Variants in STAU2 observed in about 807,000 individuals in gnomAD.
STAU2 encodes double-stranded RNA-binding protein Staufen homolog 2.
Under a neutral mutation model 65.9 loss-of-function variants are expected in STAU2, and 20 were observed. That is an observed-to-expected ratio of 0.30 (90% CI 0.21 to 0.44). The LOEUF (loss-of-function observed/expected upper bound fraction) is 0.44. Ranked by LOEUF, STAU2 falls within the 20% of genes least tolerant of loss-of-function variation. STAU2 has a pLI of 1.00. For synonymous variants in STAU2, 232 were observed against 233.9 expected (o/e 0.99, Z 0.07); for missense variants, 558 against 683.9 (o/e 0.82, Z 2.05).
At position 73,421,142 on chromosome 8, in the gene STAU2, G is replaced by A. The variant is rs1816347643; in HGVS notation, c.*230C>T. 1.9e-5 allele frequency: 8 copies of A among 429,460 alleles called. No homozygotes were observed. Among genetic ancestry groups the A allele is most frequent in the Non-Finnish European group, 3.3e-5 (8 of 244,014 alleles). The allele number at this position is 429,460 out of a possible 1,614,324, so 26.6% of individuals were successfully genotyped here. A position where few individuals can be genotyped will look rare whatever the true frequency, so the allele number is the denominator to read the frequency against. On this transcript the variant is annotated 3_prime_UTR_variant, in exon 15 of 15. Transcript: ENST00000524300. ...CAGGATCAGATTTCTGCTGCCTCTA[G>A]GCAAATGAGTTATGATCTGATCTCG...
Position 73,543,325 on chromosome 8 carries a change from T to C in STAU2, c.1530+8687A>G, listed in dbSNP as rs527498119. 7.9e-5 allele frequency among the ~76,000 whole-genome samples: 12 copies of C among 152,320 alleles called. No homozygotes were observed. In the East Asian group the frequency reaches 9.6e-4, roughly 12 times the overall value. Reference sequence around the variant, plus strand: ...GCAATAAAGAGTCCCATCTTGATTATGGTGGTAGTATACATTTTGGTGACT... The same window carrying C: ...GCAATAAAGAGTCCCATCTTGATTACGGTGGTAGTATACATTTTGGTGACT... On this transcript the variant is annotated intron_variant, in intron 13 of 14. Transcript: ENST00000524300.
At chr8:73,665,270 T>C (rs1295164868) in intron 6 of STAU2, among the ~76,000 whole-genome samples, 6 of 152,214 alleles carry the variant, frequency 3.9e-5, no homozygotes, top group African/African-American at 1.4e-4. Context: ...CTACATCTAT[T>C]CTATAAAGTG....
chr8:73,615,732 A>G lies in STAU2; in HGVS notation c.621T>C (p.Ser207=), dbSNP rs1014000996. ...DVDDDKDANK[S]EISLVFEIAL... ...CAATTTCAAACACTAAGCTGATCTCAGACTTATTTGCATCTTTGTCATCAT... is the reference window on the plus strand; with the variant it reads ...CAATTTCAAACACTAAGCTGATCTCGGACTTATTTGCATCTTTGTCATCAT... Residue 207 remains serine, a synonymous_variant, in exon 8 of 15, where the codon TCT becomes TCC. Transcript: ENST00000524300. The G allele has an allele frequency of 3.1e-6, 5 of 1,612,994 alleles. No homozygotes were observed. Among genetic ancestry groups the G allele is most frequent in the Non-Finnish European group, 4.2e-6 (5 of 1,179,324 alleles).
chr8:73,702,895 T>C lies in STAU2; in HGVS notation c.114+6137A>G, dbSNP rs531429958. Among the ~76,000 whole-genome samples, 305 of 152,248 alleles carry C rather than the reference T, an allele frequency of 2.0e-3. 1 individual carries two copies. The highest frequency in any genetic ancestry group is 6.9e-3 in the African/African-American group (287 of 41,552). ...AATTAGAAAGGCTGACTATATAACC[T>C]GTAGGCAAGGGGGCAGAAAAACTAG... On this transcript the variant is annotated intron_variant, in intron 4 of 14. Coordinates refer to ENST00000524300, the MANE Select transcript of STAU2 (RefSeq NM_001164380.2).
At chr8:73,479,266 C>T (rs1285061893) in intron 13 of STAU2, among the ~76,000 whole-genome samples, 1 of 152,056 alleles carries the variant, frequency 6.6e-6, no homozygotes, top group East Asian at 1.9e-4. Flanking sequence ...TCAAATTTCC[C>T]CTACTGTTTC....
At chr8:73,732,536 C>G (rs1806139616) in intron 3 of STAU2, 1 of 152,160 alleles carries the variant, frequency 6.6e-6, no homozygotes, top group Admixed American at 6.5e-5. Flanking sequence ...GTCTTTCTTA[C>G]ACATTTTTAA....
intron 12 of STAU2, among the ~76,000 whole-genome samples, chr8:73,557,354 A>G (rs1237288004): frequency 1.3e-5 from 2 of 152,234 alleles, no homozygotes; most frequent in East Asian, 3.8e-4. Context: ...GAACTGAATG[A>G]CTTTTAACTT....
intron 6 of STAU2, among the ~76,000 whole-genome samples, chr8:73,627,236 A>G (rs1177464400): frequency 0.071 from 698 of 9,872 alleles, no homozygotes; most frequent in Middle Eastern, 0.12. Context: ...GGGGGGCAGG[A>G]GGGCGGGTTC....
At chr8:73,633,909 C>T (rs1288364699) in intron 6 of STAU2, among the ~76,000 whole-genome samples, 1 of 151,870 alleles carries the variant, frequency 6.6e-6, no homozygotes, top group Non-Finnish European at 1.5e-5. Context: ...TCCCAAGAGA[C>T]AGAAGTTGCA....
At chr8:73,478,363 T>C (rs996082837) in intron 13 of STAU2, among the ~76,000 whole-genome samples, 1 of 149,916 alleles carries the variant, frequency 6.7e-6, no homozygotes, top group Non-Finnish European at 1.5e-5. Context: ...TTTAAGAAAG[T>C]TGATGAGTTT....
chr8:73,437,357 T>C (rs1237952448), intron 13 of STAU2, among the ~76,000 whole-genome samples: 1 of 152,020 alleles, frequency 6.6e-6, no homozygotes, highest in Non-Finnish European at 1.5e-5. Flanking sequence ...GATAGAGACA[T>C]GATGATCGGA....
chr8:73,478,498 C>T (rs200625286), intron 13 of STAU2, among the ~76,000 whole-genome samples: 1 of 151,494 alleles, frequency 6.6e-6, no homozygotes, highest in Non-Finnish European at 1.5e-5. Context: ...TTTTTTTCCC[C>T]TCCACTTTTT....
intron 12 of STAU2, among the ~76,000 whole-genome samples, chr8:73,552,635 G>A (rs1012866076): frequency 1.3e-5 from 2 of 152,124 alleles, no homozygotes; most frequent in African/African-American, 4.8e-5. Flanking sequence ...AGAAAATCAG[G>A]AATGTGCAGT....
intron 12 of STAU2, among the ~76,000 whole-genome samples, chr8:73,571,867 A>C (rs562361930): frequency 6.6e-6 from 1 of 152,358 alleles, no homozygotes; most frequent in African/African-American, 2.4e-5. Context: ...CACATTCAAA[A>C]GCTAGCAGAA....
chr8:73,477,269 G>A (rs79087970), intron 13 of STAU2, among the ~76,000 whole-genome samples: 2,413 of 152,212 alleles, frequency 0.016, 23 homozygotes, highest in Middle Eastern at 0.024. Flanking sequence ...TGGACAGCAA[G>A]AATTCTAAAA....
chr8:73,466,887 C>G (rs1433414159), intron 13 of STAU2, among the ~76,000 whole-genome samples: 2 of 152,196 alleles, frequency 1.3e-5, no homozygotes, highest in Admixed American at 1.3e-4. Context: ...CAGGAGCCTC[C>G]CAGTCTTGGC....
intron 13 of STAU2, among the ~76,000 whole-genome samples, chr8:73,449,437 C>G (rs964781389): frequency 6.6e-6 from 1 of 152,206 alleles, no homozygotes; most frequent in Non-Finnish European, 1.5e-5. Context: ...ATGATCTTAT[C>G]GCCACTTTAC....
chr8:73,743,019 C>A (rs1465699140), intron 1 of STAU2, among the ~76,000 whole-genome samples: 1 of 151,970 alleles, frequency 6.6e-6, no homozygotes, highest in Non-Finnish European at 1.5e-5. Flanking sequence ...TATCTCTACT[C>A]TTAGACTACA....
chr8:73,492,352 C>T lies in STAU2; in HGVS notation c.1530+59660G>A, dbSNP rs565587315. Among the ~76,000 whole-genome samples, 9 of 151,956 alleles carry T rather than the reference C, an allele frequency of 5.9e-5. No homozygotes were observed. The East Asian group carries it at 1.8e-3, about 30-fold the overall frequency. ...AAGTTCTCAGAGGTGACTCCACAAT[C>T]ACAGCAGTACTCATTACCTTAGTCA... On this transcript the variant is annotated intron_variant, in intron 13 of 14. Coordinates refer to ENST00000524300, the MANE Select transcript of STAU2 (RefSeq NM_001164380.2).
Sources: gnomAD v4.1 joint callset for allele counts (sites outside exome capture counted in the v4.1 genomes callset) on GRCh38, gnomAD v4.1.1 for gene constraint, MANE v1.5 for transcripts, NCBI Gene and HGNC (gene_info 2026-07-23, HGNC 2026-07-21) for gene names.